Variants in TCTN3 observed in about 807,000 individuals in gnomAD.
The protein encoded by TCTN3 is tectonic family member 3.
Under a neutral mutation model 71.3 loss-of-function variants are expected in TCTN3, and 57 were observed. The observed-to-expected ratio is 0.80, with a 90% CI of 0.65 to 1.00. The LOEUF is 1.00. TCTN3 is among the 50% of genes least tolerant of loss of function. The pLI, the probability that TCTN3 is intolerant of heterozygous loss-of-function variation, is 0.00. For synonymous variants in TCTN3, 258 were observed against 267.8 expected (o/e 0.96, Z 0.36); for missense variants, 696 against 719.9 (o/e 0.97, Z 0.38).
At position 95,693,926 on chromosome 10, in the gene TCTN3, C is replaced by T. The variant is rs376845334; in HGVS notation, c.-27G>A. 1.3e-5 allele frequency: 20 copies of T among 1,551,232 alleles called. No individual in the cohort carries two copies. The African/African-American group carries it at 2.3e-4, about 18-fold the overall frequency. On this transcript the variant is annotated 5_prime_UTR_variant, in exon 1 of 14. Coordinates refer to ENST00000371217, the MANE Select transcript of TCTN3 (RefSeq NM_015631.6). ...GGGCATTCAGGGCCTCCGGGTCCGACGTAGGCCTCCGCGGTCTCCAATCGC... is the reference window on the plus strand; with the variant it reads ...GGGCATTCAGGGCCTCCGGGTCCGATGTAGGCCTCCGCGGTCTCCAATCGC...
intron 3 of TCTN3, among the ~76,000 whole-genome samples, chr10:95,692,137 A>C (rs2097954075): frequency 6.6e-6 from 1 of 152,182 alleles, no homozygotes; most frequent in Non-Finnish European, 1.5e-5. Context: ...TGATTATCTG[A>C]GTTAAGAGGA....
In TCTN3 at chr10:95,685,622, T is replaced by A; in HGVS notation, c.903A>T (p.Val301=). 1 of 1,551,356 alleles carries A rather than the reference T, an allele frequency of 6.4e-7. No homozygotes were observed. The highest frequency in any genetic ancestry group is 1.2e-5 in the South Asian group (1 of 84,042). The change falls in exon 8 of 14, where the codon GTA becomes GTT. Residue 301 remains valine, a synonymous_variant. Transcript: ENST00000371217. The part of the protein sequence containing the change: ...DPQNMEFQVP[V]ILTSQANAPL... The stretch of plus-strand genomic sequence containing the variant: ...GAGCATTAGCCTGTGAGGTAAGTAT[T>A]ACAGGAACCTGGAACTAGCAACGAA...
intron 8 of TCTN3, 56 bp downstream of exon 8, chr10:95,685,500 C>T: frequency 7.1e-7 from 1 of 1,401,768 alleles, no homozygotes; most frequent in Non-Finnish European, 9.9e-7. Flanking sequence ...GATGAGGCAC[C>T]TCTGGCAGTG....
Position 95,680,582 on chromosome 10 carries a change from T to C in TCTN3, c.1480A>G (p.Ile494Val), listed in dbSNP as rs770188453. 6.2e-7 allele frequency: 1 copy of C among 1,614,118 alleles called. No individual in the cohort carries two copies. Among genetic ancestry groups the C allele is most frequent in the South Asian group, 1.1e-5 (1 of 91,082 alleles). ...ACCTGGATCTCCAGGGAAACTGGTATGAGACAGCAGGAAGTACAGTTTATA... is the reference window on the plus strand; with the variant it reads ...ACCTGGATCTCCAGGGAAACTGGTACGAGACAGCAGGAAGTACAGTTTATA... ...SAINCTSCCL[I>V]PVSLEIQVLW... The change falls in exon 13 of 14, where the codon ATA becomes GTA. Residue 494 changes from isoleucine (I) to valine (V), a missense_variant. Coordinates refer to ENST00000371217, the MANE Select transcript of TCTN3 (RefSeq NM_015631.6).
chr10:95,663,600 G>C lies in TCTN3; in HGVS notation c.*467C>G, dbSNP rs1327164893. 1 of 158,174 alleles carries C rather than the reference G, an allele frequency of 6.3e-6. No individual in the cohort carries two copies. Among genetic ancestry groups the C allele is most frequent in the African/African-American group, 2.4e-5 (1 of 41,512 alleles). The allele number at this position is 158,174 out of a possible 1,614,324, so 9.8% of individuals were successfully genotyped here. ...TGCCCAGATGTTGGCAAAGGAACCA[G>C]ACAAAATCAACAGCCAGCAGTTTTC... On this transcript the variant is annotated 3_prime_UTR_variant, in exon 14 of 14. Transcript: ENST00000371217.
intron 3 of TCTN3, among the ~76,000 whole-genome samples, chr10:95,689,165 T>A (rs1431645231): frequency 6.6e-6 from 1 of 152,022 alleles, no homozygotes; most frequent in African/African-American, 2.4e-5. Context: ...TCTCCACACA[T>A]CTCCTAGATC....
chr10:95,674,967 A>G (rs2097935517), intron 13 of TCTN3, among the ~76,000 whole-genome samples: 2 of 152,224 alleles, frequency 1.3e-5, no homozygotes. Context: ...AAATCTTTAA[A>G]TTCCCTAACT....
intron 13 of TCTN3, among the ~76,000 whole-genome samples, chr10:95,673,527 G>A (rs2097933767): frequency 6.6e-6 from 1 of 151,776 alleles, no homozygotes; most frequent in Non-Finnish European, 1.5e-5. Context: ...GATTTCAGCA[G>A]CACCAATTGT....
intron 2 of TCTN3, 43 bp downstream of exon 2, chr10:95,693,310 G>GC (rs1294253312): frequency 1.2e-5 from 19 of 1,550,030 alleles, no homozygotes; most frequent in Non-Finnish European, 1.7e-5. Flanking sequence ...CCCGTTGTAG[G>GC]CCCCAAACCC....
intron 6 of TCTN3, 138 bp from the exon 7 acceptor site, chr10:95,686,668 T>G: frequency 1.3e-6 from 1 of 799,510 alleles, no homozygotes; most frequent in East Asian, 2.6e-5. Context: ...ACTTCCTCTA[T>G]TCCACCTGAC....
intron 4 of TCTN3, 62 bp downstream of exon 4, chr10:95,687,530 C>G (rs2097949558): frequency 6.3e-7 from 1 of 1,597,748 alleles, no homozygotes; most frequent in Non-Finnish European, 8.5e-7. Flanking sequence ...GTTACCTTGT[C>G]AGCTGTCTGC....
chr10:95,666,681 T>G (rs1267346161), intron 13 of TCTN3, among the ~76,000 whole-genome samples: 1 of 152,270 alleles, frequency 6.6e-6, no homozygotes, highest in East Asian at 1.9e-4. Flanking sequence ...GGAAACGGAA[T>G]AGGGAATGAT....
Position 95,693,343 on chromosome 10 carries a change from C to G in TCTN3, c.380+10G>C, listed in dbSNP as rs1437257690. 2 of 1,551,784 alleles carry G rather than the reference C, an allele frequency of 1.3e-6. No homozygotes were observed. Among genetic ancestry groups the G allele is most frequent in the Non-Finnish European group, 1.7e-6 (2 of 1,146,976 alleles). On this transcript the variant is annotated intron_variant, in intron 2 of 13. Transcript: ENST00000371217. ...CCCCTTTAGGATTCAGTCTGAGCAACGAAGCTCACCTTACGCTGCCTGGAA... is the reference window on the plus strand; with the variant it reads ...CCCCTTTAGGATTCAGTCTGAGCAAGGAAGCTCACCTTACGCTGCCTGGAA...
intron 13 of TCTN3, among the ~76,000 whole-genome samples, chr10:95,667,993 A>G (rs1343540744): frequency 6.6e-6 from 1 of 152,220 alleles, no homozygotes; most frequent in Non-Finnish European, 1.5e-5. Context: ...ACTCTGAGGA[A>G]ACACAGACAA....
intron 13 of TCTN3, among the ~76,000 whole-genome samples, chr10:95,667,637 A>C (rs911260385): frequency 6.6e-6 from 1 of 152,216 alleles, no homozygotes; most frequent in Non-Finnish European, 1.5e-5. Flanking sequence ...ATTGGGCATA[A>C]AGAAGGACAG....
At chr10:95,681,596 T>C (rs1043463723) in intron 12 of TCTN3, among the ~76,000 whole-genome samples, 1 of 152,226 alleles carries the variant, frequency 6.6e-6, no homozygotes, top group Non-Finnish European at 1.5e-5. Flanking sequence ...AAATATGGTA[T>C]ACCTAATGCA....
chr10:95,690,266 A>C (rs2097952333), intron 3 of TCTN3, among the ~76,000 whole-genome samples: 1 of 152,196 alleles, frequency 6.6e-6, no homozygotes. Flanking sequence ...TACAGGTATG[A>C]GCCACCATGC....
At chr10:95,692,529 T>C (rs537711650) in intron 3 of TCTN3, among the ~76,000 whole-genome samples, 47 of 150,624 alleles carry the variant, frequency 3.1e-4, no homozygotes, top group African/African-American at 1.1e-3. Context: ...AATGCAAATG[T>C]ATTCCGTAAT....
rs755029867 is a variant in TCTN3 at position 95,680,521 on chromosome 10, T to C, written c.1541A>G (p.Gln514Arg). The C allele has an allele frequency of 3.1e-6, 5 of 1,614,142 alleles. No individual in the cohort carries two copies. The highest frequency in any genetic ancestry group is 4.2e-6 in the Non-Finnish European group (5 of 1,180,028). The change falls in exon 13 of 14, where the codon CAA becomes CGA. Residue 514 changes from glutamine to arginine, a missense_variant. By Grantham distance (43) the Gln-to-Arg change is conservative (BLOSUM62 1). Transcript: ENST00000371217. ...WAYVGLLSNP[Q>R]AHVSGVRFLY... ...GAATCGAACTCCTGATACATGAGCT[T>C]GCGGGTTGGACAGGAGACCTACATA...
Sources: gnomAD v4.1 joint callset for allele counts (sites outside exome capture counted in the v4.1 genomes callset) on GRCh38, gnomAD v4.1.1 for gene constraint, MANE v1.5 for transcripts, NCBI Gene and HGNC (gene_info 2026-07-23, HGNC 2026-07-21) for gene names.